The following NPHP3 variants were observed in gnomAD, a reference collection of about 807,000 sequenced individuals.
NPHP3 encodes nephrocystin 3.
A neutral mutation model predicts 171.9 loss-of-function variants in NPHP3; 123 were observed. The observed-to-expected ratio is 0.72, with a 90% CI of 0.62 to 0.83. The LOEUF is 0.83. Among genes scored for constraint, NPHP3 ranks in the 40% least tolerant of loss-of-function variants. NPHP3 has a pLI of 0.00. For synonymous variants in NPHP3, 558 were observed against 579.2 expected, an observed-to-expected ratio of 0.96 and a Z score of 0.52; for missense variants, 1,506 against 1,591.9, an observed-to-expected ratio of 0.95 and a Z score of 0.92.
At chr3:132,701,886 C>T (rs536378265) in intron 9 of NPHP3, among the ~76,000 whole-genome samples, 6 of 152,166 alleles carry the variant, frequency 3.9e-5, no homozygotes, top group South Asian at 4.2e-4. Flanking sequence ...ATTAGCCGAG[C>T]GTGGTGGCGG....
chr3:132,684,918 A>C (rs1273987889), intron 23 of NPHP3, 124 bp from the exon 24 acceptor site: 2 of 1,235,368 alleles, frequency 1.6e-6, no homozygotes, highest in Non-Finnish European at 2.3e-6. Flanking sequence ...TAAGAGATTC[A>C]GCTCAAAATC....
Position 132,700,010 on chromosome 3 carries a change from G to A in NPHP3, c.1795C>T (p.Leu599Phe). 6.2e-7 allele frequency: 1 copy of A among 1,614,110 alleles called. No individual in the cohort carries two copies. The highest frequency in any genetic ancestry group is 8.5e-7 in the Non-Finnish European group (1 of 1,179,978). ...VSALTLDPAK[L>F]LEEFPRWLEK... ...AGCCAACGTGGAAATTCTTCCAGAA[G>A]CTTAGCAGGATCCAGTGTCAGAGCA... is the stretch of plus-strand genomic sequence containing the variant. Residue 599 changes from leucine to phenylalanine, a missense_variant, in exon 12 of 27, where the codon CTT becomes TTT. By Grantham distance (22) the Leu-to-Phe change is conservative. Transcript: ENST00000337331.
At chr3:132,685,693 C>T (rs1939136639) in intron 23 of NPHP3, 1 of 153,932 alleles carries the variant, frequency 6.5e-6, no homozygotes, top group Admixed American at 6.4e-5. Flanking sequence ...ACAATATCTA[C>T]ACAAACTCAC....
intron 25 of NPHP3, 96 bp from the exon 26 acceptor site, chr3:132,682,914 G>A: frequency 1.3e-6 from 1 of 765,546 alleles, no homozygotes; most frequent in Non-Finnish European, 2.4e-6. Context: ...ACTTTAAAAT[G>A]TTAATATCCT....
At chr3:132,716,018 T>TGGCCCATGGGCCTCATGG (rs79939919) in intron 4 of NPHP3, among the ~76,000 whole-genome samples, 30,740 of 152,052 alleles carry the variant, frequency 0.2, 3,650 homozygotes, top group African/African-American at 0.33. Flanking sequence ...CTCCAATCTG[T>TGGCCCATGGGCCTCATGG]GGCCCAGGAT....
At position 132,684,610 on chromosome 3, in the gene NPHP3, C is replaced by G. The variant is rs751603872; in HGVS notation, c.3514G>C (p.Asp1172His). ...ACCGTATATGCCAAAGAAGGGTGAT[C>G]AGGAGCTAATGCACGTCTCCGAATA... is the stretch of plus-strand genomic sequence containing the variant. The part of the protein sequence containing the change: ...LDIRRRALAP[D>H]HPSLAYTVKH... The change falls in exon 24 of 27, where the codon GAT becomes CAT. Residue 1172 changes from aspartate to histidine, a missense_variant. Coordinates refer to ENST00000337331, the MANE Select transcript of NPHP3 (RefSeq NM_153240.5). 1.9e-6 allele frequency: 3 copies of G among 1,613,864 alleles called. No individual in the cohort carries two copies. Among genetic ancestry groups the G allele is most frequent in the East Asian group, 2.2e-5 (1 of 44,894 alleles).
chr3:132,704,431 G>A, intron 8 of NPHP3, 60 bp from the exon 9 acceptor site: 5 of 1,600,842 alleles, frequency 3.1e-6, no homozygotes, highest in Non-Finnish European at 4.3e-6. Flanking sequence ...TTACAGCGGG[G>A]TCACCCAGGC....
At chr3:132,703,581 T>TTC (rs1939672190) in intron 9 of NPHP3, among the ~76,000 whole-genome samples, 1 of 139,292 alleles carries the variant, frequency 7.2e-6, no homozygotes, top group African/African-American at 2.8e-5. Flanking sequence ...CTTTCTTTCT[T>TTC]TTTTTTTTTT....
At chr3:132,710,529 C>T (rs1309839556) in intron 6 of NPHP3, among the ~76,000 whole-genome samples, 3 of 152,146 alleles carry the variant, frequency 2.0e-5, no homozygotes, top group Admixed American at 2.0e-4. Context: ...ACCTCTCCTT[C>T]TACGTAGGTT....
chr3:132,695,327 A>C (rs1224409316), intron 15 of NPHP3, among the ~76,000 whole-genome samples: 2 of 152,180 alleles, frequency 1.3e-5, no homozygotes, highest in African/African-American at 2.4e-5. Context: ...ATGCAAATTA[A>C]ATTTGTGTGG....
chr3:132,692,190 A>ATG (rs1381350435), intron 17 of NPHP3, among the ~76,000 whole-genome samples: 1 of 152,220 alleles, frequency 6.6e-6, no homozygotes, highest in African/African-American at 2.4e-5. Context: ...TATAGCCTCC[A>ATG]TGTGTGGTAG....
intron 18 of NPHP3, 71 bp downstream of exon 18, chr3:132,691,121 A>C: frequency 8.7e-7 from 1 of 1,143,380 alleles, no homozygotes; most frequent in East Asian, 2.4e-5. Flanking sequence ...GTAAGCTAAG[A>C]AACAGAAATA....
intron 9 of NPHP3, among the ~76,000 whole-genome samples, chr3:132,703,527 T>C (rs749071859): frequency 7.9e-5 from 12 of 152,028 alleles, no homozygotes; most frequent in South Asian, 2.1e-4. Flanking sequence ...GATTCAAGAA[T>C]TGGAAGAACA....
intron 8 of NPHP3, 30 bp from the exon 9 acceptor site, chr3:132,704,401 G>A (rs763195502): frequency 8.9e-5 from 144 of 1,613,336 alleles, no homozygotes. Context: ...ACACAAAAAT[G>A]AATGAAGAAA....
intron 26 of NPHP3, 198 bp from the exon 27 acceptor site, chr3:132,682,288 C>T (rs1269555051): frequency 3.3e-6 from 2 of 606,314 alleles, no homozygotes; most frequent in African/African-American, 3.7e-5. Context: ...TTTTGTGTCT[C>T]ATATGGATAT....
At chr3:132,707,719 T>C (rs1172913875) in intron 7 of NPHP3, among the ~76,000 whole-genome samples, 1 of 152,156 alleles carries the variant, frequency 6.6e-6, no homozygotes, top group Non-Finnish European at 1.5e-5. Context: ...ACCACCCTGC[T>C]TGGAGTCACC....
At chr3:132,703,368 AT>A (rs1291397856) in intron 9 of NPHP3, among the ~76,000 whole-genome samples, 3 of 152,080 alleles carry the variant, frequency 2.0e-5, no homozygotes, top group Admixed American at 6.5e-5. Flanking sequence ...TAACTATTAT[AT>A]TTTTTTAACT....
intron 6 of NPHP3, among the ~76,000 whole-genome samples, chr3:132,710,798 C>A (rs186176568): frequency 2.6e-5 from 4 of 152,280 alleles, no homozygotes; most frequent in African/African-American, 9.6e-5. Context: ...AGTGCAGGAG[C>A]CTGGCCGTTT....
intron 5 of NPHP3, among the ~76,000 whole-genome samples, chr3:132,713,913 C>T (rs192031386): frequency 8.5e-5 from 13 of 152,250 alleles, no homozygotes; most frequent in Admixed American, 5.2e-4. Flanking sequence ...TAATCAACAA[C>T]AGGGAAGATG....
Sources: allele counts gnomAD v4.1 joint callset (sites outside exome capture counted in the v4.1 genomes callset), GRCh38; gene constraint gnomAD v4.1.1; transcripts MANE v1.5; gene names NCBI Gene and HGNC (gene_info 2026-07-23, HGNC 2026-07-21).